KLHL13: variants seen among roughly 807,000 people sequenced by gnomAD.
KLHL13 encodes the protein kelch-like protein 13.
A neutral mutation model predicts 37.1 loss-of-function variants in KLHL13; 10 were observed. That is an observed-to-expected ratio of 0.27 (90% CI 0.17 to 0.46). The LOEUF (loss-of-function observed/expected upper bound fraction) is 0.46. Among genes scored for constraint, KLHL13 ranks in the 20% least tolerant of loss-of-function variants. The pLI is 1.00. For missense variants in KLHL13, 360 were observed against 509.3 expected (o/e 0.71, Z 2.82); for synonymous variants, 163 against 181.2 (o/e 0.90, Z 0.81).
At chrX:117,934,091 C>T (rs909240100) in intron 2 of KLHL13, among the ~76,000 whole-genome samples, 1 of 110,201 alleles carries the variant, frequency 9.1e-6, no homozygotes, top group Non-Finnish European at 1.9e-5. Context: ...ACATTGGGTA[C>T]ACATGGACAC....
At chrX:118,092,746 C>T (rs755830570) in intron 1 of KLHL13, among the ~76,000 whole-genome samples, 4 of 110,924 alleles carry the variant, frequency 3.6e-5, no homozygotes, top group African/African-American at 1.3e-4. Flanking sequence ...TACATGAATC[C>T]ATAATGTGAT....
chrX:118,068,487 T>C (rs2054818688), intron 1 of KLHL13, among the ~76,000 whole-genome samples: 1 of 111,059 alleles, frequency 9.0e-6, no homozygotes, highest in African/African-American at 3.3e-5. Context: ...CCATGTGAGA[T>C]AACCTGGGAA....
intron 2 of KLHL13, among the ~76,000 whole-genome samples, chrX:117,940,541 C>A (rs1932966813): frequency 9.0e-6 from 1 of 111,631 alleles, no homozygotes. Flanking sequence ...GGCAGTATGT[C>A]CATTTTCACG....
At chrX:117,923,551 T>C (rs1931837713) in intron 2 of KLHL13, among the ~76,000 whole-genome samples, 1 of 112,498 alleles carries the variant, frequency 8.9e-6, no homozygotes, top group African/African-American at 3.2e-5. Context: ...AACAAAACCT[T>C]CTTGGCTTAT....
At chrX:118,072,722 C>T (rs959876855) in intron 1 of KLHL13, among the ~76,000 whole-genome samples, 2 of 112,281 alleles carry the variant, frequency 1.8e-5, no homozygotes, top group African/African-American at 6.5e-5. Flanking sequence ...TTTATGTATT[C>T]TGAAGCTATG....
chrX:118,024,819 A>T (rs2054257779), intron 1 of KLHL13, among the ~76,000 whole-genome samples: 1 of 112,208 alleles, frequency 8.9e-6, no homozygotes, highest in African/African-American at 3.2e-5. Context: ...TAGTTTCTAC[A>T]AATGTTAAAC....
chrX:118,113,179 C>T (rs1473537954), intron 1 of KLHL13, among the ~76,000 whole-genome samples: 2 of 111,866 alleles, frequency 1.8e-5, no homozygotes, highest in Admixed American at 1.9e-4. Context: ...TCCCCCATCC[C>T]CTTACCTAAA....
rs987802478 is a variant in KLHL13, at chrX:117,984,276, A to G, written c.-55-38701T>C. Reference sequence around the variant, plus strand: ...AAGCACTACAGTATAGGCTGTTGACAGTCAACTCTCTTAAAAAATTAAAGT... The same window carrying G: ...AAGCACTACAGTATAGGCTGTTGACGGTCAACTCTCTTAAAAAATTAAAGT... On this transcript the variant is annotated intron_variant, in intron 1 of 6. Transcript: ENST00000371882. Among the ~76,000 whole-genome samples, 10 of 111,780 alleles carry G rather than the reference A, an allele frequency of 8.9e-5. No homozygotes were observed. In the East Asian group the frequency reaches 2.8e-3, roughly 31 times the overall value.
intron 1 of KLHL13, among the ~76,000 whole-genome samples, chrX:117,964,518 G>A (rs1263839883): frequency 8.9e-6 from 1 of 112,093 alleles, no homozygotes; most frequent in Non-Finnish European, 1.9e-5. Context: ...GTTATGCCTG[G>A]CACATAATAG....
intron 4 of KLHL13, among the ~76,000 whole-genome samples, chrX:117,913,334 G>A (rs1265989458): frequency 9.0e-6 from 1 of 111,457 alleles, no homozygotes; most frequent in Non-Finnish European, 1.9e-5. Context: ...ATCCATAAAT[G>A]GATAATTGGA....
chrX:117,945,516 C>G, exon 2 of KLHL13: 14 of 1,208,905 alleles, frequency 1.2e-5, no homozygotes, highest in Non-Finnish European at 1.6e-5. Context: ...GGATGAGAGG[C>G]CCATTTCGCT....
intron 1 of KLHL13, among the ~76,000 whole-genome samples, chrX:118,046,935 G>C (rs914669490): frequency 1.8e-5 from 2 of 111,848 alleles, no homozygotes; most frequent in African/African-American, 6.5e-5. Flanking sequence ...ACCAAGAGCA[G>C]TTTCAATATC....
At chrX:117,909,083 T>G (rs931688957) in intron 5 of KLHL13, among the ~76,000 whole-genome samples, 1 of 112,280 alleles carries the variant, frequency 8.9e-6, no homozygotes, top group East Asian at 2.8e-4. Flanking sequence ...TATGCTACAA[T>G]ATACTGATGT....
chrX:118,005,405 G>C lies in KLHL13; in HGVS notation c.-55-59830C>G, dbSNP rs184657110. 2.4e-3 allele frequency among the ~76,000 whole-genome samples: 271 copies of C among 111,710 alleles called. 1 individual carries two copies. Among genetic ancestry groups the C allele is most frequent in the Non-Finnish European group, 4.3e-3 (230 of 53,149 alleles). On this transcript the variant is annotated intron_variant, in intron 1 of 6. Coordinates refer to the KLHL13 transcript ENST00000371882. ...GTATGGTATAGTTGACATAGATATA[G>C]GGTGTGGTAGGCAGAATAATGGGTC...
intron 1 of KLHL13, among the ~76,000 whole-genome samples, chrX:117,990,335 C>G (rs2053773947): frequency 9.0e-6 from 1 of 110,784 alleles, no homozygotes; most frequent in Non-Finnish European, 1.9e-5. Flanking sequence ...AAGGAAAACA[C>G]TTAACTACCA....
intron 1 of KLHL13, among the ~76,000 whole-genome samples, chrX:118,101,390 A>T (rs141802658): frequency 2.7e-5 from 3 of 111,688 alleles, no homozygotes; most frequent in Non-Finnish European, 5.6e-5. Flanking sequence ...CAGATAACTG[A>T]GTTAGCCCCT....
chrX:118,041,369 A>C, intron 1 of KLHL13, among the ~76,000 whole-genome samples: 1 of 110,863 alleles, frequency 9.0e-6, no homozygotes, highest in South Asian at 3.9e-4. Flanking sequence ...TCTACAAAAA[A>C]CACAAAAACT....
chrX:118,009,811 G>T (rs1202095052), intron 1 of KLHL13, among the ~76,000 whole-genome samples: 2 of 83,218 alleles, frequency 2.4e-5, no homozygotes, highest in Admixed American at 1.5e-4. Flanking sequence ...GCTTGATGGG[G>T]ATGGCATTGA....
chrX:118,051,072 T>C (rs1602684409), intron 1 of KLHL13, among the ~76,000 whole-genome samples: 1 of 110,150 alleles, frequency 9.1e-6, no homozygotes, highest in East Asian at 2.8e-4. Context: ...ATTAGCACAA[T>C]GAGAGGCCCA....
Sources: gnomAD v4.1 joint callset for allele counts (sites outside exome capture counted in the v4.1 genomes callset) on GRCh38, gnomAD v4.1.1 for gene constraint, MANE v1.5 for transcripts, NCBI Gene and HGNC (gene_info 2026-07-23, HGNC 2026-07-21) for gene names.